Variants in RAB10 observed in about 807,000 individuals in gnomAD.
The protein encoded by RAB10 is ras-related protein Rab-10.
RAB10 carries 5 observed loss-of-function variants against 25.7 expected under a neutral mutation model. The observed-to-expected ratio is 0.19, with a 90% CI of 0.10 to 0.41. The LOEUF is 0.41. Ranked by LOEUF, RAB10 falls within the 10% of genes least tolerant of loss-of-function variation. The probability of loss-of-function intolerance (pLI) is 1.00; values close to 1 mark genes in which losing one functional copy is unlikely to be tolerated. For missense variants in RAB10, 103 were observed against 245.8 expected (o/e 0.42, Z 3.89); for synonymous variants, 89 against 86.4 (o/e 1.03, Z -0.16).
At chr2:26,111,501 G>A (rs1402013934) in intron 3 of RAB10, among the ~76,000 whole-genome samples, 10 of 151,934 alleles carry the variant, frequency 6.6e-5, no homozygotes. Context: ...CTACTTGGGA[G>A]GCTGAGGCAG....
chr2:26,114,457 C>G (rs928096821), intron 3 of RAB10, among the ~76,000 whole-genome samples: 2 of 152,136 alleles, frequency 1.3e-5, no homozygotes, highest in African/African-American at 4.8e-5. Context: ...GGTCAGTTGA[C>G]TTTTAACAAG....
intron 2 of RAB10, among the ~76,000 whole-genome samples, chr2:26,102,307 A>G (rs1220011964): frequency 3.3e-5 from 5 of 152,012 alleles, no homozygotes; most frequent in African/African-American, 1.2e-4. Flanking sequence ...AATAATGTCT[A>G]GTGTGTAGTA....
At chr2:26,084,326 CAGA>C (rs907276207) in intron 1 of RAB10, among the ~76,000 whole-genome samples, 1 of 152,192 alleles carries the variant, frequency 6.6e-6, no homozygotes, top group Non-Finnish European at 1.5e-5. Flanking sequence ...GTTCCCCCAA[CAGA>C]AGGACTTTGC....
intron 2 of RAB10, among the ~76,000 whole-genome samples, chr2:26,109,498 G>A (rs1208965734): frequency 1.3e-5 from 2 of 152,102 alleles, no homozygotes; most frequent in Non-Finnish European, 2.9e-5. Flanking sequence ...ACCTGCTTTT[G>A]TGTTACATTA....
At position 26,132,942 on chromosome 2, in the gene RAB10, C is replaced by T. The variant is rs1469653968; in HGVS notation, c.520-1996C>T. Among the ~76,000 whole-genome samples the T allele has an allele frequency of 2.6e-5, 4 of 152,160 alleles. No individual in the cohort carries two copies. The East Asian group carries it at 7.7e-4, about 29-fold the overall frequency. On this transcript the variant is annotated intron_variant, in intron 5 of 5. Transcript: ENST00000264710. ...TTTCTTGCTGGATGCTGGTCTGCCC[C>T]TTTTTCTTCTTTACATTTTTCTCAA...
chr2:26,080,331 C>T (rs992182978), intron 1 of RAB10, among the ~76,000 whole-genome samples: 2 of 152,112 alleles, frequency 1.3e-5, no homozygotes, highest in African/African-American at 4.8e-5. Flanking sequence ...CACTGTTAGG[C>T]AAATACTACA....
chr2:26,122,890 T>C (rs1667834855), intron 3 of RAB10, among the ~76,000 whole-genome samples: 1 of 151,682 alleles, frequency 6.6e-6, no homozygotes, highest in Non-Finnish European at 1.5e-5. Flanking sequence ...TGTCCTATTC[T>C]CGGGGTGGCA....
At chr2:26,036,745 T>C (rs1056799348) in intron 1 of RAB10, among the ~76,000 whole-genome samples, 19 of 151,882 alleles carry the variant, frequency 1.3e-4, no homozygotes, top group Non-Finnish European at 2.4e-4. Context: ...AAAGGGAGCA[T>C]AGAACAAATG....
rs182966785 is a variant in RAB10 at position 26,059,379 on chromosome 2, A to G, written c.127+24644A>G. On this transcript the variant is annotated intron_variant, in intron 1 of 5. Coordinates refer to ENST00000264710, the MANE Select transcript of RAB10 (RefSeq NM_016131.5). Reference sequence around the variant, plus strand: ...TTATTCTAGTGGGAGAGACAGATGTATCAAATAAACACAATGTACTAGAAT... The same window carrying G: ...TTATTCTAGTGGGAGAGACAGATGTGTCAAATAAACACAATGTACTAGAAT... Among the ~76,000 whole-genome samples the G allele has an allele frequency of 2.4e-4, 37 of 152,352 alleles. No homozygotes were observed. In the East Asian group the frequency reaches 6.2e-3, roughly 25 times the overall value.
chr2:26,106,248 C>T (rs1667461081), intron 2 of RAB10, among the ~76,000 whole-genome samples: 1 of 152,042 alleles, frequency 6.6e-6, no homozygotes. Context: ...CAAGCTTATC[C>T]TAGTATTTAT....
intron 1 of RAB10, among the ~76,000 whole-genome samples, chr2:26,036,132 T>C (rs1484616178): frequency 1.3e-5 from 2 of 152,216 alleles, no homozygotes; most frequent in African/African-American, 4.8e-5. Flanking sequence ...CTTTTAGCTG[T>C]AGCTGGCTAG....
intron 3 of RAB10, among the ~76,000 whole-genome samples, chr2:26,112,526 C>T (rs781404374): frequency 2.6e-5 from 4 of 152,132 alleles, no homozygotes; most frequent in Non-Finnish European, 4.4e-5. Flanking sequence ...TTTATTATAC[C>T]GCAGACTTAA....
At chr2:26,051,612 G>A (rs780938205) in intron 1 of RAB10, among the ~76,000 whole-genome samples, 15 of 151,130 alleles carry the variant, frequency 9.9e-5, no homozygotes, top group Non-Finnish European at 1.9e-4. Flanking sequence ...AAAAAAGCCG[G>A]ACGTGGTGGT....
chr2:26,060,620 A>G (rs1233909029), intron 1 of RAB10, among the ~76,000 whole-genome samples: 3 of 152,176 alleles, frequency 2.0e-5, no homozygotes, highest in East Asian at 3.9e-4. Context: ...GGAAAATTGT[A>G]TATCCTTATT....
chr2:26,075,499 CTG>C (rs10534038), intron 1 of RAB10, among the ~76,000 whole-genome samples: 116,790 of 151,648 alleles, frequency 0.77, 45,007 homozygotes, highest in East Asian at 0.87. Flanking sequence ...TTTTGTCTCT[CTG>C]ATTAAAAAAA....
At chr2:26,077,140 A>T (rs1488654516) in intron 1 of RAB10, among the ~76,000 whole-genome samples, 4 of 152,200 alleles carry the variant, frequency 2.6e-5, no homozygotes, top group Non-Finnish European at 5.9e-5. Flanking sequence ...AATTCGAAAT[A>T]ATTCAGACAT....
intron 1 of RAB10, among the ~76,000 whole-genome samples, chr2:26,077,134 C>T (rs551401861): frequency 1.9e-3 from 285 of 152,026 alleles, no homozygotes; most frequent in Non-Finnish European, 3.4e-3. Context: ...ATTTTGAATT[C>T]GAAATAATTC....
intron 3 of RAB10, among the ~76,000 whole-genome samples, chr2:26,110,448 C>G (rs1478853371): frequency 6.6e-6 from 1 of 151,960 alleles, no homozygotes; most frequent in Non-Finnish European, 1.5e-5. Context: ...CTCCAAAACT[C>G]TGTATAGCCA....
At position 26,092,423 on chromosome 2, in the gene RAB10, A is replaced by G. The variant is rs1667129306; in HGVS notation, c.128-6239A>G. 2.0e-5 allele frequency among the ~76,000 whole-genome samples: 3 copies of G among 152,060 alleles called. No individual in the cohort carries two copies. The South Asian group carries it at 6.3e-4, about 32-fold the overall frequency. The stretch of plus-strand genomic sequence containing the variant: ...AGACAGCACATATAGGTAACTTCGA[A>G]GAAGTTTGGTAAAAACAAAAAGTGA... On this transcript the variant is annotated intron_variant, in intron 1 of 5. Transcript: ENST00000264710.
Sources: gnomAD v4.1 joint callset for allele counts (sites outside exome capture counted in the v4.1 genomes callset) on GRCh38, gnomAD v4.1.1 for gene constraint, MANE v1.5 for transcripts, NCBI Gene and HGNC (gene_info 2026-07-23, HGNC 2026-07-21) for gene names.